SIL1: variants seen among roughly 807,000 people sequenced by gnomAD.
SIL1 encodes the protein nucleotide exchange factor SIL1.
In SIL1, 40 loss-of-function variants were observed where a neutral mutation model predicts 49.1. That is an observed-to-expected ratio of 0.81 (90% CI 0.63 to 1.06). The LOEUF is 1.06. SIL1 is among the 50% of genes least tolerant of loss of function. SIL1 has a pLI of 0.00. For synonymous variants in SIL1, 253 were observed against 250.8 expected (o/e 1.01, Z -0.08); for missense variants, 500 against 572.6 (o/e 0.87, Z 1.29).
chr5:139,013,374 G>T (rs923390857), intron 7 of SIL1, among the ~76,000 whole-genome samples: 21 of 152,098 alleles, frequency 1.4e-4, no homozygotes, highest in African/African-American at 4.8e-4. Context: ...CCTTTTTAGT[G>T]GAAGATTTTC....
intron 7 of SIL1, among the ~76,000 whole-genome samples, chr5:139,009,358 C>T (rs1404296128): frequency 1.6e-4 from 23 of 147,588 alleles, no homozygotes; most frequent in Admixed American, 6.8e-4. Flanking sequence ...ATGTGTGTCT[C>T]TGCACGTGAG....
At chr5:138,953,280 A>C (rs1766825600) in intron 7 of SIL1, 1 of 152,326 alleles carries the variant, frequency 6.6e-6, no homozygotes, top group African/African-American at 2.4e-5. Flanking sequence ...ACAAATCAGA[A>C]GGAGCTGGCT....
intron 5 of SIL1, 59 bp from the exon 6 acceptor site, chr5:139,027,051 G>C: frequency 6.5e-7 from 1 of 1,539,884 alleles, no homozygotes; most frequent in Non-Finnish European, 9.0e-7. Context: ...CAAGATGTCT[G>C]TGGTCTACCA....
At chr5:139,073,588 T>A (rs1196954277) in intron 3 of SIL1, among the ~76,000 whole-genome samples, 5 of 152,114 alleles carry the variant, frequency 3.3e-5, no homozygotes, top group Non-Finnish European at 5.9e-5. Flanking sequence ...ATACAAAGTT[T>A]CAGTTAGATA....
intron 4 of SIL1, among the ~76,000 whole-genome samples, chr5:139,050,686 A>G (rs1769265684): frequency 6.6e-6 from 1 of 152,224 alleles, no homozygotes; most frequent in Non-Finnish European, 1.5e-5. Context: ...TGGGAAAAAT[A>G]GTTTCATTTT....
intron 1 of SIL1, among the ~76,000 whole-genome samples, chr5:139,146,257 C>T (rs1223396652): frequency 6.6e-6 from 1 of 152,176 alleles, no homozygotes; most frequent in Non-Finnish European, 1.5e-5. Flanking sequence ...ATATTGCTCT[C>T]TTCTAAAAAT....
intron 1 of SIL1, among the ~76,000 whole-genome samples, chr5:139,167,333 T>A (rs971960032): frequency 5.3e-5 from 8 of 152,230 alleles, no homozygotes; most frequent in Admixed American, 5.2e-4. Context: ...AAGGCACTAT[T>A]ATCACAGGAA....
intron 1 of SIL1, among the ~76,000 whole-genome samples, chr5:139,175,151 G>A (rs113013599): frequency 9.2e-5 from 14 of 151,984 alleles, no homozygotes; most frequent in African/African-American, 2.7e-4. Flanking sequence ...GCAAAACCCC[G>A]TCTCTACTAA....
At chr5:139,016,041 C>A (rs1179249208) in intron 7 of SIL1, among the ~76,000 whole-genome samples, 1 of 152,006 alleles carries the variant, frequency 6.6e-6, no homozygotes, top group Non-Finnish European at 1.5e-5. Context: ...ATGCTATGAT[C>A]ACACCTGTGA....
intron 7 of SIL1, among the ~76,000 whole-genome samples, chr5:139,015,464 A>T (rs1256347050): frequency 6.6e-6 from 1 of 152,260 alleles, no homozygotes; most frequent in Non-Finnish European, 1.5e-5. Context: ...AAACAAAGAC[A>T]TTTCATTACC....
At chr5:139,141,130 G>T (rs1751073500) in intron 1 of SIL1, among the ~76,000 whole-genome samples, 1 of 152,128 alleles carries the variant, frequency 6.6e-6, no homozygotes, top group South Asian at 2.1e-4. Flanking sequence ...TATTTCATAG[G>T]CCTATAACTA....
chr5:139,091,073 G>A (rs1397054006), intron 3 of SIL1, among the ~76,000 whole-genome samples: 1 of 152,066 alleles, frequency 6.6e-6, no homozygotes, highest in African/African-American at 2.4e-5. Flanking sequence ...GAAAGCATAG[G>A]TCAACTACTC....
intron 9 of SIL1, 79 bp downstream of exon 9, chr5:138,951,092 C>A: frequency 6.7e-7 from 1 of 1,502,074 alleles, no homozygotes; most frequent in East Asian, 2.4e-5. Flanking sequence ...CGTCCGCAGT[C>A]TCTTCCATCT....
chr5:139,167,535 T>C (rs1751649083), intron 1 of SIL1, among the ~76,000 whole-genome samples: 2 of 152,246 alleles, frequency 1.3e-5, no homozygotes, highest in East Asian at 1.9e-4. Context: ...TACAGAATAA[T>C]GTATAAATAT....
At chr5:139,072,895 G>A (rs1442457247) in intron 3 of SIL1, among the ~76,000 whole-genome samples, 1 of 152,072 alleles carries the variant, frequency 6.6e-6, no homozygotes. Flanking sequence ...AATGGGCAAA[G>A]GACCTAAATA....
rs1766676772 is a variant in SIL1, at chr5:138,948,125, A to G, written c.1030-652T>C. On this transcript the variant is annotated intron_variant, in intron 9 of 9. Transcript: ENST00000394817. The surrounding 1 kb of genome is among the most constrained non-coding windows in gnomAD (Gnocchi z 4.8). The stretch of plus-strand genomic sequence containing the variant: ...TGGAGAAAGAAGGAATGCCTGCCCT[A>G]ACTCCAGGGGAGAATGAAGCACAGG... 6.6e-6 allele frequency among the ~76,000 whole-genome samples: 1 copy of G among 152,186 alleles called. No homozygotes were observed. Among genetic ancestry groups the G allele is most frequent in the Admixed American group, 6.5e-5 (1 of 15,290 alleles).
chr5:139,057,785 T>C (rs1028257904), intron 3 of SIL1, among the ~76,000 whole-genome samples: 1 of 152,208 alleles, frequency 6.6e-6, no homozygotes, highest in Non-Finnish European at 1.5e-5. Context: ...AATTTATTGC[T>C]CACAATTCTG....
chr5:139,120,516 C>T (rs1235868124), intron 3 of SIL1, among the ~76,000 whole-genome samples: 1 of 152,034 alleles, frequency 6.6e-6, no homozygotes, highest in Admixed American at 6.6e-5. Context: ...TTATTTTAAG[C>T]CTTGGGCCCA....
intron 3 of SIL1, among the ~76,000 whole-genome samples, chr5:139,074,317 A>G (rs1234295148): frequency 6.6e-6 from 1 of 152,198 alleles, no homozygotes; most frequent in Non-Finnish European, 1.5e-5. Flanking sequence ...TTGGCCTCCC[A>G]AAGTGCTGGG....
Sources: gnomAD v4.1 joint callset for allele counts (sites outside exome capture counted in the v4.1 genomes callset) on GRCh38, gnomAD v4.1.1 for gene constraint, Gnocchi (gnomAD v3.1) non-coding constraint, MANE v1.5 for transcripts, NCBI Gene and HGNC (gene_info 2026-07-23, HGNC 2026-07-21) for gene names.